The following KDM4B variants were observed in gnomAD, a reference collection of about 807,000 sequenced individuals.
KDM4B encodes the protein lysine demethylase 4B.
KDM4B carries 32 observed loss-of-function variants against 125.2 expected under a neutral mutation model. The observed-to-expected ratio is 0.26, with a 90% CI of 0.19 to 0.34. KDM4B has a LOEUF of 0.34. Ranked by LOEUF, KDM4B falls within the 10% of genes least tolerant of loss-of-function variation. The pLI is 1.00. For missense variants in KDM4B, 1,190 were observed against 1,577.7 expected, an observed-to-expected ratio of 0.75 and a Z score of 4.16; for synonymous variants, 721 against 677.9, an observed-to-expected ratio of 1.06 and a Z score of -0.99.
chr19:4,980,922 A>G (rs1167333425), intron 1 of KDM4B, among the ~76,000 whole-genome samples: 1 of 140,210 alleles, frequency 7.1e-6, no homozygotes, highest in East Asian at 2.3e-4. Context: ...CGGGGCAGAC[A>G]CAGCATAGAA....
intron 1 of KDM4B, among the ~76,000 whole-genome samples, chr19:5,013,864 G>T (rs926616442): frequency 6.6e-6 from 1 of 152,228 alleles, no homozygotes; most frequent in East Asian, 1.9e-4. Flanking sequence ...GAGGGATTCC[G>T]GTCCTCGGGT....
intron 9 of KDM4B, among the ~76,000 whole-genome samples, chr19:5,091,364 G>C (rs773082709): frequency 6.6e-6 from 1 of 152,212 alleles, no homozygotes; most frequent in Non-Finnish European, 1.5e-5. Context: ...CTGTGGGTGA[G>C]GCCTGCTGTG....
At chr19:5,095,395 G>C (rs1444040876) in intron 9 of KDM4B, among the ~76,000 whole-genome samples, 1 of 152,236 alleles carries the variant, frequency 6.6e-6, no homozygotes, top group Non-Finnish European at 1.5e-5. Flanking sequence ...GCAGACTCTA[G>C]TATCTGTTCA....
intron 9 of KDM4B, among the ~76,000 whole-genome samples, chr19:5,095,229 A>G (rs1191353663): frequency 3.3e-5 from 5 of 152,160 alleles, no homozygotes; most frequent in African/African-American, 1.2e-4. Flanking sequence ...TTCCTGGATC[A>G]GGGGGCTGGG....
Position 5,082,420 on chromosome 19 carries a change from C to T in KDM4B, c.834C>T (p.Ala278=), listed in dbSNP as rs142551392. 57 of 1,613,608 alleles carry T rather than the reference C, an allele frequency of 3.5e-5. No individual in the cohort carries two copies. Among genetic ancestry groups the T allele is most frequent in the South Asian group, 5.5e-5 (5 of 91,088 alleles). ...FMITFPYGYH[A]GFNHGFNCAE... ...TCACATTTCCCTACGGCTACCACGC[C>T]GGCTTCAATCACGGGTTCAACTGCG... The change falls in exon 9 of 23, where the codon GCC becomes GCT. Residue 278 remains alanine, a synonymous_variant. Coordinates refer to ENST00000159111, the MANE Select transcript of KDM4B (RefSeq NM_015015.3). The surrounding 1 kb of genome is among the most constrained non-coding windows in gnomAD (Gnocchi z 5.4).
chr19:5,047,319 G>A (rs534854073), intron 5 of KDM4B, among the ~76,000 whole-genome samples, 157 bp from the exon 6 acceptor site: 4 of 152,066 alleles, frequency 2.6e-5, no homozygotes, highest in African/African-American at 9.7e-5. Flanking sequence ...CCCCTGGTCT[G>A]CAGGGTATGA....
At chr19:5,083,236 G>A (rs1195415629) in intron 9 of KDM4B, among the ~76,000 whole-genome samples, 1 of 152,184 alleles carries the variant, frequency 6.6e-6, no homozygotes, top group South Asian at 2.1e-4. Context: ...GGCTGTTCTC[G>A]ACCATGCGGA....
intron 2 of KDM4B, among the ~76,000 whole-genome samples, chr19:5,019,327 CGTGCAGGTGTTGGTGTGGGTGTTGGT>C (rs2035999445): frequency 9.5e-4 from 36 of 37,966 alleles, no homozygotes; most frequent in Non-Finnish European, 1.7e-3. Context: ...TGGACGTTGG[CGTGCAGGTGTTGGTGTGGGTGTTGGT>C]GTGCAGGTGT....
intron 9 of KDM4B, among the ~76,000 whole-genome samples, chr19:5,086,939 C>T (rs1018835714): frequency 8.5e-5 from 13 of 152,258 alleles, no homozygotes; most frequent in Admixed American, 2.0e-4. Flanking sequence ...CAGAGAAATA[C>T]GATCTCCCTG....
At chr19:5,086,200 C>G (rs999299536) in intron 9 of KDM4B, among the ~76,000 whole-genome samples, 1 of 152,062 alleles carries the variant, frequency 6.6e-6, no homozygotes, top group Non-Finnish European at 1.5e-5. Context: ...CTGCCCCCCC[C>G]CACCCCGTTG....
rs1455959310 is a variant in KDM4B at position 5,078,575 on chromosome 19, T to G, written c.780+1105T>G. The G allele has an allele frequency of 1.3e-5, 2 of 151,800 alleles. No homozygotes were observed. Among genetic ancestry groups the G allele is most frequent in the African/African-American group, 4.8e-5 (2 of 41,268 alleles). 9.4% of individuals were successfully genotyped at this position (151,800 alleles called of 1,614,324 possible). A position where few individuals can be genotyped will look rare whatever the true frequency, so the allele number is the denominator to read the frequency against. On this transcript the variant is annotated intron_variant, in intron 8 of 22. Coordinates refer to ENST00000159111, the MANE Select transcript of KDM4B (RefSeq NM_015015.3). This position sits in a 1 kb window ranked among gnomAD's most constrained non-coding sequence, Gnocchi z 4.5. ...TTCAGTACCAGCAAAACCAGACAGATCACGGCATTGCTCAGGGAAGTGAGA... is the reference window on the plus strand; with the variant it reads ...TTCAGTACCAGCAAAACCAGACAGAGCACGGCATTGCTCAGGGAAGTGAGA...
intron 6 of KDM4B, among the ~76,000 whole-genome samples, chr19:5,062,985 C>A (rs2037655357): frequency 6.6e-6 from 1 of 151,444 alleles, no homozygotes; most frequent in Admixed American, 6.6e-5. Context: ...TTGTCTTATC[C>A]CTTCTGCTTG....
At chr19:5,126,130 G>A (rs2039445409) in intron 11 of KDM4B, among the ~76,000 whole-genome samples, 1 of 152,208 alleles carries the variant, frequency 6.6e-6, no homozygotes, top group South Asian at 2.1e-4. Flanking sequence ...AACAAGCTGG[G>A]AAGGGGCCAG....
intron 3 of KDM4B, among the ~76,000 whole-genome samples, chr19:5,036,970 G>A (rs753948059): frequency 2.0e-5 from 3 of 152,234 alleles, no homozygotes; most frequent in African/African-American, 4.8e-5. Flanking sequence ...CGCAGACACC[G>A]TGGGGGTGTT....
Position 5,029,943 on chromosome 19 carries a change from A to G in KDM4B, c.-25-2923A>G, listed in dbSNP as rs1222488079. On this transcript the variant is annotated intron_variant, in intron 2 of 22. Transcript: ENST00000159111. ...CCGGTGTCACGGCTCCACCTTCCAG[A>G]TGGAAGGGCTGTCTGGGTCTCCCCA... Among the ~76,000 whole-genome samples the G allele has an allele frequency of 3.3e-5, 5 of 152,182 alleles. No individual in the cohort carries two copies. In the South Asian group the frequency reaches 8.3e-4, roughly 25 times the overall value.
intron 6 of KDM4B, among the ~76,000 whole-genome samples, chr19:5,055,785 C>T (rs973776392): frequency 1.7e-4 from 26 of 152,202 alleles, no homozygotes; most frequent in Non-Finnish European, 3.5e-4. Flanking sequence ...CTCCCCCTTT[C>T]TCTCTCTTTA....
intron 1 of KDM4B, among the ~76,000 whole-genome samples, chr19:4,974,978 C>T (rs2034395840): frequency 1.3e-5 from 2 of 152,086 alleles, no homozygotes; most frequent in African/African-American, 4.8e-5. Context: ...CCCGCCCTTC[C>T]CTGCCGCAGG....
intron 18 of KDM4B, among the ~76,000 whole-genome samples, chr19:5,139,067 C>T (rs1194115264): frequency 6.6e-6 from 1 of 152,096 alleles, no homozygotes; most frequent in Non-Finnish European, 1.5e-5. Flanking sequence ...GGACCACAAG[C>T]ACGTGCCAAA....
At chr19:5,028,174 C>T (rs769919825) in intron 2 of KDM4B, among the ~76,000 whole-genome samples, 3 of 152,110 alleles carry the variant, frequency 2.0e-5, no homozygotes, top group Non-Finnish European at 4.4e-5. Context: ...ATGGGGTCTC[C>T]CTACGTTGCC....
Sources: gnomAD v4.1 joint callset for allele counts (sites outside exome capture counted in the v4.1 genomes callset) on GRCh38, gnomAD v4.1.1 for gene constraint, Gnocchi (gnomAD v3.1) non-coding constraint, MANE v1.5 for transcripts, NCBI Gene and HGNC (gene_info 2026-07-23, HGNC 2026-07-21) for gene names.